RAP1GAP2: variants seen among roughly 807,000 people sequenced by gnomAD.
RAP1GAP2 encodes RAP1 GTPase activating protein 2.
Under a neutral mutation model 95.0 loss-of-function variants are expected in RAP1GAP2, and 27 were observed. That is an observed-to-expected ratio of 0.28 (90% CI 0.21 to 0.39). RAP1GAP2 has a LOEUF of 0.39. RAP1GAP2 is among the 10% of genes least tolerant of loss of function. The pLI is 1.00. For synonymous variants in RAP1GAP2, 373 were observed against 380.9 expected (o/e 0.98, Z 0.24); for missense variants, 771 against 970.0 (o/e 0.79, Z 2.72).
At position 2,964,143 on chromosome 17, in the gene RAP1GAP2, C is replaced by T. The variant is rs117140716; in HGVS notation, c.492+75C>T. On this transcript the variant is annotated intron_variant, in intron 7 of 24. Coordinates refer to ENST00000254695, the MANE Select transcript of RAP1GAP2 (RefSeq NM_015085.5). ...ACGCTGGGAGAGAGGAGGTACCAGG[C>T]GGTAGGGGATGGGGAGAGGTTGAGG... is the stretch of plus-strand genomic sequence containing the variant. 0.011 allele frequency: 11,886 copies of T among 1,104,822 alleles called. 693 individuals are homozygous for T. The East Asian group carries it at 0.24, about 22-fold the overall frequency. 68.4% of individuals were successfully genotyped at this position (1,104,822 alleles called of 1,614,324 possible). A position where few individuals can be genotyped will look rare whatever the true frequency, so the allele number is the denominator to read the frequency against.
At chr17:2,952,418 C>G (rs1191060554) in intron 3 of RAP1GAP2, among the ~76,000 whole-genome samples, 1 of 152,176 alleles carries the variant, frequency 6.6e-6, no homozygotes, top group East Asian at 1.9e-4. Context: ...GACAAACATC[C>G]TTGTACATGT....
chr17:2,822,298 C>G (rs778728405), intron 2 of RAP1GAP2, among the ~76,000 whole-genome samples: 4 of 152,172 alleles, frequency 2.6e-5, no homozygotes, highest in Non-Finnish European at 4.4e-5. Flanking sequence ...CAAACACGGT[C>G]TTTGCCGATT....
rs1166740280 is a variant in RAP1GAP2, at chr17:2,796,846, G to C, written c.44+275G>C. On this transcript the variant is annotated intron_variant, in intron 1 of 24. Transcript: ENST00000254695. This position sits in a 1 kb window ranked among gnomAD's most constrained non-coding sequence, Gnocchi z 4.7. Reference sequence around the variant, plus strand: ...GGATAGCATGAGTGTGACTGCAGTTGAATGTGTGTGTCTCTGTGTCCGCAG... The same window carrying C: ...GGATAGCATGAGTGTGACTGCAGTTCAATGTGTGTGTCTCTGTGTCCGCAG... 6.6e-6 allele frequency among the ~76,000 whole-genome samples: 1 copy of C among 150,924 alleles called. No homozygotes were observed. The highest frequency in any genetic ancestry group is 2.5e-5 in the African/African-American group (1 of 40,240).
intron 24 of RAP1GAP2, 34 bp downstream of exon 24, chr17:3,032,483 G>T: frequency 1.3e-6 from 2 of 1,591,594 alleles, no homozygotes; most frequent in South Asian, 2.2e-5. Context: ...GTGGCCGTGA[G>T]GGGGGACGTG....
chr17:2,908,991 C>T (rs1358735445), intron 3 of RAP1GAP2, among the ~76,000 whole-genome samples: 3 of 152,158 alleles, frequency 2.0e-5, no homozygotes, highest in East Asian at 1.9e-4. Context: ...CAGGTGTGAG[C>T]CACTGCGCCT....
At chr17:2,822,670 C>G (rs2070361527) in intron 2 of RAP1GAP2, among the ~76,000 whole-genome samples, 1 of 146,824 alleles carries the variant, frequency 6.8e-6, no homozygotes, top group Admixed American at 6.8e-5. Context: ...TGGCTCACGC[C>G]TATAATCCCA....
At chr17:2,887,225 T>A (rs935885945) in intron 2 of RAP1GAP2, among the ~76,000 whole-genome samples, 2 of 150,864 alleles carry the variant, frequency 1.3e-5, no homozygotes, top group African/African-American at 2.4e-5. Context: ...GCTCAGCTAA[T>A]TTTTGTATTT....
intron 3 of RAP1GAP2, among the ~76,000 whole-genome samples, chr17:2,952,847 C>A (rs1448794665): frequency 6.6e-6 from 1 of 151,826 alleles, no homozygotes; most frequent in Non-Finnish European, 1.5e-5. Context: ...CTTTGTCGCT[C>A]AGGCTGGAGT....
intron 2 of RAP1GAP2, among the ~76,000 whole-genome samples, chr17:2,880,046 T>G (rs1190065286): frequency 2.0e-5 from 3 of 152,120 alleles, no homozygotes; most frequent in Non-Finnish European, 4.4e-5. Context: ...GGCATCAGAC[T>G]GATCGTGACA....
At chr17:2,826,230 C>T (rs1000185276) in intron 2 of RAP1GAP2, among the ~76,000 whole-genome samples, 2 of 147,888 alleles carry the variant, frequency 1.4e-5, no homozygotes, top group East Asian at 4.0e-4. Flanking sequence ...CTCCTAACCT[C>T]GTGATCTCCC....
At chr17:2,907,098 T>C (rs111502805) in intron 3 of RAP1GAP2, among the ~76,000 whole-genome samples, 143 of 151,926 alleles carry the variant, frequency 9.4e-4, no homozygotes, top group African/African-American at 1.9e-3. Flanking sequence ...AGTATTTTTT[T>C]CCCCCAGTAG....
chr17:2,907,153 C>A (rs1018327102), intron 3 of RAP1GAP2, among the ~76,000 whole-genome samples: 1 of 152,166 alleles, frequency 6.6e-6, no homozygotes. Flanking sequence ...TGGCTTAGGT[C>A]ACATGTTTGT....
At chr17:2,820,892 G>GT (rs59814346) in intron 2 of RAP1GAP2, among the ~76,000 whole-genome samples, 29,332 of 103,914 alleles carry the variant, frequency 0.28, 4,593 homozygotes, top group Non-Finnish European at 0.37. Context: ...CCGGATAATG[G>GT]TTTTTTTTTT....
chr17:2,813,148 T>G (rs2069846875), intron 2 of RAP1GAP2, among the ~76,000 whole-genome samples: 1 of 151,136 alleles, frequency 6.6e-6, no homozygotes, highest in Non-Finnish European at 1.5e-5. Context: ...CTTGGCTCAC[T>G]GCAACCTCCG....
intron 19 of RAP1GAP2, among the ~76,000 whole-genome samples, chr17:3,020,882 C>T (rs997534655): frequency 3.9e-5 from 6 of 152,202 alleles, no homozygotes; most frequent in Admixed American, 6.5e-5. Context: ...CCTTTTTCAA[C>T]GCTCACTCAA....
At chr17:3,009,752 A>T (rs896255710) in intron 17 of RAP1GAP2, among the ~76,000 whole-genome samples, 1 of 152,138 alleles carries the variant, frequency 6.6e-6, no homozygotes, top group South Asian at 2.1e-4. Context: ...TTCAGTGCTG[A>T]TGGACAGTGG....
chr17:3,017,057 A>T (rs1567900759), intron 17 of RAP1GAP2, among the ~76,000 whole-genome samples: 1 of 152,148 alleles, frequency 6.6e-6, no homozygotes. Context: ...AGCATCATCC[A>T]GGGGGCAGCC....
In RAP1GAP2 at chr17:2,778,300, G is replaced by C. The variant is rs75327235; in HGVS notation, c.-14+1022G>C. The stretch of plus-strand genomic sequence containing the variant: ...AGGGATGGGGCTGGGGGGCCTGGTA[G>C]CTGGGTGGGATGCGGGGGCGGGAGC... On this transcript the variant is annotated intron_variant, in intron 1 of 24. Transcript: ENST00000540393. Among the ~76,000 whole-genome samples, 494 of 151,114 alleles carry C rather than the reference G, an allele frequency of 3.3e-3. 4 individuals carry two copies. Among genetic ancestry groups the C allele is most frequent in the African/African-American group, 0.011 (470 of 41,024 alleles).
At chr17:2,955,193 C>T (rs1408570554) in intron 3 of RAP1GAP2, among the ~76,000 whole-genome samples, 8 of 152,110 alleles carry the variant, frequency 5.3e-5, no homozygotes, top group East Asian at 1.9e-4. Context: ...TGAACATTTC[C>T]GGGAATTGCC....
Sources: allele counts gnomAD v4.1 joint callset (sites outside exome capture counted in the v4.1 genomes callset), GRCh38; gene constraint gnomAD v4.1.1; non-coding constraint Gnocchi (gnomAD v3.1); transcripts MANE v1.5; gene names NCBI Gene and HGNC (gene_info 2026-07-23, HGNC 2026-07-21).